TMEM266: variants seen among roughly 807,000 people sequenced by gnomAD.
TMEM266 encodes Hv1 related protein 1.
TMEM266 carries 33 observed loss-of-function variants against 50.5 expected under a neutral mutation model. The ratio of observed to expected loss-of-function variants is 0.65; its 90% CI spans 0.50 to 0.87. TMEM266 has a LOEUF of 0.87. Ranked by LOEUF, TMEM266 falls within the 40% of genes least tolerant of loss-of-function variation. The pLI, the probability that TMEM266 is intolerant of heterozygous loss-of-function variation, is 0.00. For missense variants in TMEM266, 655 were observed against 695.1 expected (o/e 0.94, Z 0.65); for synonymous variants, 310 against 292.3 (o/e 1.06, Z -0.62).
chr15:76,104,532 T>C (rs1409061010), intron 1 of TMEM266, among the ~76,000 whole-genome samples: 1 of 152,014 alleles, frequency 6.6e-6, no homozygotes, highest in Middle Eastern at 3.4e-3. Flanking sequence ...CATTTAGAAG[T>C]TGGGGGCCCG....
chr15:76,189,210 AAGAC>A (rs367660913), intron 8 of TMEM266, among the ~76,000 whole-genome samples: 31 of 152,078 alleles, frequency 2.0e-4, no homozygotes, highest in East Asian at 1.4e-3. Flanking sequence ...AAGAAAGAAA[AAGAC>A]AGAGAAAGAG....
chr15:76,096,992 T>C (rs2142001365), intron 1 of TMEM266, among the ~76,000 whole-genome samples: 1 of 151,896 alleles, frequency 6.6e-6, no homozygotes, highest in Middle Eastern at 3.4e-3. Flanking sequence ...CCCTTTATTT[T>C]GAGCCTATGT....
chr15:76,090,953 G>T (rs888313581), intron 1 of TMEM266, among the ~76,000 whole-genome samples: 1 of 152,170 alleles, frequency 6.6e-6, no homozygotes, highest in Non-Finnish European at 1.5e-5. Flanking sequence ...ATATGTTTAG[G>T]TGATGGATAT....
intron 8 of TMEM266, among the ~76,000 whole-genome samples, chr15:76,189,222 GAGAA>G (rs2038530963): frequency 6.6e-6 from 1 of 151,684 alleles, no homozygotes; most frequent in African/African-American, 2.4e-5. Context: ...GACAGAGAAA[GAGAA>G]AGGAGAGAGG....
intron 1 of TMEM266, among the ~76,000 whole-genome samples, chr15:76,072,387 G>A (rs1280343997): frequency 2.7e-5 from 4 of 147,814 alleles, no homozygotes; most frequent in Admixed American, 7.0e-5. Flanking sequence ...GCGGTGAGCC[G>A]AGATTGCGCC....
Position 76,156,681 on chromosome 15 carries a change from G to A in TMEM266, c.305G>A (p.Ser102Asn). The A allele has an allele frequency of 6.2e-7, 1 of 1,614,182 alleles. No individual in the cohort carries two copies. The highest frequency in any genetic ancestry group is 8.5e-7 in the Non-Finnish European group (1 of 1,180,000). ...TTTTTGCTCAGTGCAAGTCTCAACA[G>A]TTTCCTGGTAGCCTGTGTAATATTG... Residue 102 changes from serine to asparagine, a missense_variant, in exon 4 of 11, where the codon AGT becomes AAT. Ser to Asn is a conservative substitution (Grantham distance 46). This residue lies in a region of TMEM266 where 101 missense variants were observed against 182.6 expected (regional missense o/e 0.55). Coordinates refer to ENST00000388942, the MANE Select transcript of TMEM266 (RefSeq NM_152335.3).
At chr15:76,150,616 T>C (rs2037825000) in intron 3 of TMEM266, among the ~76,000 whole-genome samples, 1 of 152,166 alleles carries the variant, frequency 6.6e-6, no homozygotes, top group Admixed American at 6.5e-5. Flanking sequence ...ACAGACAGCC[T>C]GGCAGCCACT....
intron 8 of TMEM266, among the ~76,000 whole-genome samples, chr15:76,191,088 A>T (rs2038560644): frequency 6.6e-6 from 1 of 152,242 alleles, no homozygotes; most frequent in Non-Finnish European, 1.5e-5. Context: ...AGCCTTTCCA[A>T]GAAGCTTTCC....
chr15:76,204,097 C>T lies in TMEM266; in HGVS notation c.1378C>T (p.Pro460Ser), dbSNP rs2038797773. 1 of 1,612,776 alleles carries T rather than the reference C, an allele frequency of 6.2e-7. No homozygotes were observed. The highest frequency in any genetic ancestry group is 8.5e-7 in the Non-Finnish European group (1 of 1,179,626). ...LDPAPLARPS[P>S]AGSAQTSPEL... ...CTGCCCTTCCCAGAAGGCCTTGGAC[C>T]CAGCCCCCCTCGCCCGGCCCAGCCC... Residue 460 changes from proline to serine, a missense_variant, in exon 11 of 11, where the codon CCA becomes TCA. Coordinates refer to ENST00000388942, the MANE Select transcript of TMEM266 (RefSeq NM_152335.3).
In TMEM266 at chr15:76,191,984, TGC is replaced by T; in HGVS notation, c.792_793del (p.His265ProfsTer76). 1.3e-6 allele frequency: 2 copies of T among 1,583,206 alleles called. No individual in the cohort carries two copies. The highest frequency in any genetic ancestry group is 1.7e-6 in the Non-Finnish European group (2 of 1,169,574). On this transcript the variant is annotated frameshift_variant, in exon 9 of 11. Coordinates refer to ENST00000388942, the MANE Select transcript of TMEM266 (RefSeq NM_152335.3). LOFTEE classifies it high-confidence loss of function. ...CCTCCGCAGTTTGAGATCCGGCAGC[TGC>T]GCGCGCACCTGGCGCAGCAGGACCT...
At chr15:76,133,597 T>C (rs1365992286) in intron 1 of TMEM266, among the ~76,000 whole-genome samples, 1 of 152,008 alleles carries the variant, frequency 6.6e-6, no homozygotes, top group Non-Finnish European at 1.5e-5. Context: ...AGGATGGGGG[T>C]GTAAGTAGCT....
chr15:76,139,261 C>CT lies in TMEM266; in HGVS notation c.227+1373dup, dbSNP rs965262408. ...GCCTAACAATGGTGAAACCACACAC[C>CT]TTTTTTTGCAGAAACTACACCCCAG... On this transcript the variant is annotated intron_variant, in intron 3 of 10. Transcript: ENST00000388942. This position sits in a 1 kb window ranked among gnomAD's most constrained non-coding sequence, Gnocchi z 4.1. Among the ~76,000 whole-genome samples the CT allele has an allele frequency of 6.6e-6, 1 of 152,152 alleles. No individual in the cohort carries two copies. Among genetic ancestry groups the CT allele is most frequent in the East Asian group, 1.9e-4 (1 of 5,196 alleles).
intron 8 of TMEM266, among the ~76,000 whole-genome samples, chr15:76,176,713 G>A (rs912037293): frequency 3.9e-5 from 6 of 152,314 alleles, no homozygotes; most frequent in South Asian, 2.1e-4. Context: ...AGGAATGCCC[G>A]TGGCCGCATA....
intron 5 of TMEM266, among the ~76,000 whole-genome samples, chr15:76,166,024 C>A (rs765607827): frequency 6.6e-6 from 1 of 152,182 alleles, no homozygotes. Context: ...CAGGAATCTG[C>A]GTTTCACGTA....
intron 1 of TMEM266, among the ~76,000 whole-genome samples, chr15:76,081,125 C>T (rs1227997790): frequency 6.6e-6 from 1 of 152,224 alleles, no homozygotes; most frequent in Non-Finnish European, 1.5e-5. Flanking sequence ...CCTATAATCA[C>T]TCTCTCTGGT....
chr15:76,106,780 G>A lies in TMEM266; in HGVS notation c.-96-27388G>A, dbSNP rs2037086752. ...ATGCTTTGAAACATGTATACACTGT[G>A]GAATGCTAGATCAAGCTAATTATCA... On this transcript the variant is annotated intron_variant, in intron 1 of 10. Transcript: ENST00000388942. 2.6e-5 allele frequency among the ~76,000 whole-genome samples: 4 copies of A among 152,140 alleles called. No individual in the cohort carries two copies. The South Asian group carries it at 8.3e-4, about 32-fold the overall frequency.
chr15:76,103,008 G>A (rs1197126962), intron 1 of TMEM266, among the ~76,000 whole-genome samples: 2 of 152,086 alleles, frequency 1.3e-5, no homozygotes, highest in Admixed American at 1.3e-4. Flanking sequence ...TAAACGGGGA[G>A]CAAGTCATCT....
chr15:76,107,292 G>T (rs565744840), intron 1 of TMEM266, among the ~76,000 whole-genome samples: 3 of 152,038 alleles, frequency 2.0e-5, no homozygotes, highest in African/African-American at 2.4e-5. Context: ...TTACAAGCAC[G>T]GCACATTTCA....
chr15:76,063,881 G>A (rs2036358271), intron 1 of TMEM266, among the ~76,000 whole-genome samples: 1 of 152,164 alleles, frequency 6.6e-6, no homozygotes, highest in Admixed American at 6.5e-5. Context: ...GTTGTTTGGG[G>A]GAACAGCAAG....
Sources: gnomAD v4.1 joint callset for allele counts (sites outside exome capture counted in the v4.1 genomes callset) on GRCh38, gnomAD v4.1.1 for gene constraint, gnomAD v4.1.1 regional missense constraint, Gnocchi (gnomAD v3.1) non-coding constraint, MANE v1.5 for transcripts, NCBI Gene and HGNC (gene_info 2026-07-23, HGNC 2026-07-21) for gene names.